Variants in DCP2 observed in about 807,000 individuals in gnomAD.
DCP2 encodes the protein decapping mRNA 2.
DCP2 carries 30 observed loss-of-function variants against 56.1 expected under a neutral mutation model. The observed-to-expected ratio is 0.53, with a 90% CI of 0.40 to 0.73. The LOEUF (loss-of-function observed/expected upper bound fraction) is 0.73. Among genes scored for constraint, DCP2 ranks in the 30% least tolerant of loss-of-function variants. The probability of loss-of-function intolerance (pLI) is 0.00; values close to 1 mark genes in which losing one functional copy is unlikely to be tolerated. For missense variants in DCP2, 533 were observed against 502.7 expected (o/e 1.06, Z -0.58); for synonymous variants, 197 against 163.3 (o/e 1.21, Z -1.57).
rs763419606 is a variant in DCP2, at chr5:113,022,130, A to G, written c.*8646A>G. 73 of 152,568 alleles carry G rather than the reference A, an allele frequency of 4.8e-4. No individual in the cohort carries two copies. Among genetic ancestry groups the G allele is most frequent in the Non-Finnish European group, 9.4e-4 (64 of 68,036 alleles). The allele number at this position is 152,568 out of a possible 1,614,324, so 9.5% of individuals were successfully genotyped here. A position where few individuals can be genotyped will look rare whatever the true frequency, so the allele number is the denominator to read the frequency against. ...GTGGAATTAGAAATATTTATTCAGAATATAAGAATGTTTGTAAAATATTAT... is the reference window on the plus strand; with the variant it reads ...GTGGAATTAGAAATATTTATTCAGAGTATAAGAATGTTTGTAAAATATTAT... On this transcript the variant is annotated 3_prime_UTR_variant, in exon 11 of 11. Transcript: ENST00000389063.
At chr5:113,003,061 A>C (rs1749251811) in intron 7 of DCP2, among the ~76,000 whole-genome samples, 1 of 152,210 alleles carries the variant, frequency 6.6e-6, no homozygotes, top group Non-Finnish European at 1.5e-5. Context: ...GCATTTCTTA[A>C]ATCAGTAGCA....
chr5:112,979,714 T>TC (rs1747907296), intron 1 of DCP2, among the ~76,000 whole-genome samples: 1 of 152,232 alleles, frequency 6.6e-6, no homozygotes, highest in Non-Finnish European at 1.5e-5. Flanking sequence ...AACCTAAGGC[T>TC]GATGCTTTAG....
At chr5:112,990,783 C>A (rs1222148127) in intron 2 of DCP2, among the ~76,000 whole-genome samples, 2 of 146,530 alleles carry the variant, frequency 1.4e-5, no homozygotes, top group African/African-American at 2.7e-5. Context: ...GACTTGGGCT[C>A]TGAGGACCTA....
At chr5:112,984,243 A>C (rs1449812836) in intron 1 of DCP2, 1 of 152,266 alleles carries the variant, frequency 6.6e-6, no homozygotes, top group Non-Finnish European at 1.5e-5. Flanking sequence ...GGATCTGAAA[A>C]GAAAATTCAC....
chr5:112,989,180 G>T (rs1748454332), intron 2 of DCP2, among the ~76,000 whole-genome samples: 1 of 152,120 alleles, frequency 6.6e-6, no homozygotes, highest in Non-Finnish European at 1.5e-5. Context: ...GTGTTCAGTG[G>T]GAACAGAAGA....
At position 113,021,531 on chromosome 5, in the gene DCP2, C is replaced by G. The variant is rs560487551; in HGVS notation, c.*8047C>G. 4.6e-4 allele frequency among the ~76,000 whole-genome samples: 70 copies of G among 152,194 alleles called. No individual in the cohort carries two copies. Among genetic ancestry groups the G allele is most frequent in the African/African-American group, 1.6e-3 (68 of 41,542 alleles). ...TGTGAATTCATTAGATATTTAAAATCCAGCAATTCTTAAGTTTGTGCTAGA... is the reference window on the plus strand; with the variant it reads ...TGTGAATTCATTAGATATTTAAAATGCAGCAATTCTTAAGTTTGTGCTAGA... On this transcript the variant is annotated 3_prime_UTR_variant, in exon 11 of 11. Transcript: ENST00000389063.
chr5:112,990,673 C>G (rs1326914454), intron 2 of DCP2, among the ~76,000 whole-genome samples: 1 of 152,120 alleles, frequency 6.6e-6, no homozygotes, highest in East Asian at 1.9e-4. Flanking sequence ...AACTCCTGGG[C>G]TCAAGCATTC....
intron 4 of DCP2, among the ~76,000 whole-genome samples, chr5:112,995,348 C>T (rs1411042737): frequency 6.6e-6 from 1 of 152,150 alleles, no homozygotes; most frequent in East Asian, 1.9e-4. Flanking sequence ...AAAGTCCTCC[C>T]TTTTATTTCC....
chr5:113,008,160 T>C, intron 9 of DCP2, 118 bp downstream of exon 9: 1 of 839,550 alleles, frequency 1.2e-6, no homozygotes, highest in Non-Finnish European at 1.9e-6. Flanking sequence ...GATATACTAG[T>C]AGGATTTTTG....
intron 1 of DCP2, among the ~76,000 whole-genome samples, chr5:112,977,199 C>G (rs888787932): frequency 6.6e-6 from 1 of 152,166 alleles, no homozygotes; most frequent in Non-Finnish European, 1.5e-5. Flanking sequence ...CGTCCTTCCC[C>G]GCAGAACACC....
intron 2 of DCP2, among the ~76,000 whole-genome samples, chr5:112,991,711 ATTTC>A (rs1342754927): frequency 6.6e-6 from 1 of 152,044 alleles, no homozygotes; most frequent in African/African-American, 2.4e-5. Context: ...ATGTAATTCT[ATTTC>A]TTGTTATTAC....
chr5:113,001,958 G>A (rs562128800), intron 7 of DCP2, among the ~76,000 whole-genome samples: 12 of 152,194 alleles, frequency 7.9e-5, no homozygotes, highest in African/African-American at 1.7e-4. Context: ...ATCTTGTGTC[G>A]TGTGTTCTTA....
In DCP2 at chr5:113,020,999, A is replaced by G. The variant is rs1043919590; in HGVS notation, c.*7515A>G. 5 of 152,114 alleles carry G rather than the reference A, an allele frequency of 3.3e-5. No homozygotes were observed. The highest frequency in any genetic ancestry group is 4.8e-5 in the African/African-American group (2 of 41,436). The allele number at this position is 152,114 out of a possible 1,614,324, so 9.4% of individuals were successfully genotyped here. A position where few individuals can be genotyped will look rare whatever the true frequency, so the allele number is the denominator to read the frequency against. ...TGGTTTTCTGCTACTGTTATTTATC[A>G]TCGTAGGTTCTGAGTTGCTCATTGT... On this transcript the variant is annotated 3_prime_UTR_variant, in exon 11 of 11. Coordinates refer to ENST00000389063, the MANE Select transcript of DCP2 (RefSeq NM_152624.6).
At chr5:112,982,009 C>T (rs1166819701) in intron 1 of DCP2, among the ~76,000 whole-genome samples, 6 of 152,296 alleles carry the variant, frequency 3.9e-5, no homozygotes, top group Non-Finnish European at 8.8e-5. Context: ...CTCAGGTGAT[C>T]CGCCTGCCAT....
At chr5:113,000,302 A>G (rs541499639) in intron 4 of DCP2, among the ~76,000 whole-genome samples, 6 of 151,600 alleles carry the variant, frequency 4.0e-5, no homozygotes, top group African/African-American at 7.3e-5. Context: ...ACCTGGGCTC[A>G]AGTGATCCTC....
chr5:112,986,177 C>T (rs1232358088), intron 2 of DCP2, among the ~76,000 whole-genome samples, 191 bp downstream of exon 2: 5 of 152,018 alleles, frequency 3.3e-5, no homozygotes, highest in Non-Finnish European at 5.9e-5. Flanking sequence ...CATTAATACT[C>T]ATAATAATCA....
At chr5:112,984,887 G>C (rs1249119015) in intron 1 of DCP2, among the ~76,000 whole-genome samples, 1 of 150,942 alleles carries the variant, frequency 6.6e-6, no homozygotes, top group African/African-American at 2.4e-5. Context: ...AAATTCCTTT[G>C]TTGAGAAGGG....
intron 2 of DCP2, among the ~76,000 whole-genome samples, chr5:112,987,408 T>G (rs1027375338): frequency 1.3e-5 from 2 of 152,130 alleles, no homozygotes; most frequent in African/African-American, 4.8e-5. Flanking sequence ...GATGGCATCG[T>G]ATGGGTTCTT....
At chr5:112,980,284 G>T (rs1210106334) in intron 1 of DCP2, among the ~76,000 whole-genome samples, 1 of 152,154 alleles carries the variant, frequency 6.6e-6, no homozygotes, top group African/African-American at 2.4e-5. Flanking sequence ...GTATAGTAAG[G>T]CCACACTAGT....
Sources: gnomAD v4.1 joint callset for allele counts (sites outside exome capture counted in the v4.1 genomes callset) on GRCh38, gnomAD v4.1.1 for gene constraint, MANE v1.5 for transcripts, NCBI Gene and HGNC (gene_info 2026-07-23, HGNC 2026-07-21) for gene names.